Variants in ABCB7 observed in about 807,000 individuals in gnomAD.
ABCB7 encodes iron-sulfur clusters transporter ABCB7, mitochondrial.
ABCB7 carries 7 observed loss-of-function variants against 54.4 expected under a neutral mutation model. That is an observed-to-expected ratio of 0.13 (90% confidence interval 0.07 to 0.24). The LOEUF is 0.24. ABCB7 is among the 10% of genes least tolerant of loss of function. ABCB7 has a pLI of 1.00. For synonymous variants in ABCB7, 218 were observed against 207.1 expected (o/e 1.05, Z -0.45); for missense variants, 356 against 570.4 (o/e 0.62, Z 3.83).
intron 4 of ABCB7, among the ~76,000 whole-genome samples, chrX:75,087,023 C>T (rs901654851): frequency 8.9e-6 from 1 of 111,809 alleles, no homozygotes; most frequent in South Asian, 3.7e-4. Context: ...TCCAGGAACT[C>T]CTCATCCCTT....
chrX:75,061,375 G>A (rs1272289674), intron 14 of ABCB7, among the ~76,000 whole-genome samples: 1 of 111,671 alleles, frequency 9.0e-6, no homozygotes, highest in African/African-American at 3.3e-5. Context: ...TTTAGTTTGT[G>A]GTAGTATGAC....
intron 1 of ABCB7, among the ~76,000 whole-genome samples, chrX:75,142,418 T>C (rs1394239024): frequency 8.9e-6 from 1 of 111,990 alleles, no homozygotes. Context: ...CTGCAGTTGA[T>C]TGAATCCACA....
intron 2 of ABCB7, 124 bp downstream of exon 2, chrX:75,114,630 C>T: frequency 1.9e-6 from 1 of 513,689 alleles, no homozygotes; most frequent in South Asian, 2.8e-5. Context: ...CCTTCTTATT[C>T]ATCTTGTCAG....
intron 1 of ABCB7, among the ~76,000 whole-genome samples, chrX:75,123,219 T>C (rs1164061129): frequency 9.0e-6 from 1 of 111,604 alleles, no homozygotes; most frequent in Non-Finnish European, 1.9e-5. Context: ...ATGAATAAGA[T>C]AATGGTCCAG....
At chrX:75,124,131 C>A (rs1441642811) in intron 1 of ABCB7, among the ~76,000 whole-genome samples, 2 of 111,741 alleles carry the variant, frequency 1.8e-5, no homozygotes, top group African/African-American at 6.5e-5. Flanking sequence ...TTTCTAACAC[C>A]CCTCAACCTC....
intron 1 of ABCB7, among the ~76,000 whole-genome samples, chrX:75,129,190 C>T (rs765550991): frequency 1.8e-5 from 2 of 111,964 alleles, no homozygotes; most frequent in African/African-American, 6.5e-5. Context: ...AGACTTGGAA[C>T]CAACCCAATT....
intron 15 of ABCB7, among the ~76,000 whole-genome samples, chrX:75,059,021 T>TA (rs1306052279): frequency 9.0e-6 from 1 of 111,409 alleles, no homozygotes; most frequent in African/African-American, 3.3e-5. Context: ...CAGAAAGGCC[T>TA]AGGGTCACAA....
chrX:75,116,510 C>T (rs1307677986), intron 1 of ABCB7, among the ~76,000 whole-genome samples: 5 of 111,553 alleles, frequency 4.5e-5, no homozygotes, highest in Non-Finnish European at 7.5e-5. Flanking sequence ...CCCTTGGTAA[C>T]GTTTCAAAAG....
chrX:75,107,836 T>C (rs1029559179), intron 3 of ABCB7, among the ~76,000 whole-genome samples: 4 of 110,611 alleles, frequency 3.6e-5, no homozygotes, highest in Non-Finnish European at 7.6e-5. Context: ...GAAGGGAACT[T>C]TGTCTTGCAC....
chrX:75,122,070 G>A (rs2081883310), intron 1 of ABCB7, among the ~76,000 whole-genome samples: 2 of 111,750 alleles, frequency 1.8e-5, no homozygotes, highest in South Asian at 7.5e-4. Flanking sequence ...ACTCCATCTT[G>A]AGCAGGGGCT....
chrX:75,132,815 C>CT (rs2081984531), intron 1 of ABCB7, among the ~76,000 whole-genome samples: 1 of 112,213 alleles, frequency 8.9e-6, no homozygotes, highest in Non-Finnish European at 1.9e-5. Context: ...AGCCTCAGCC[C>CT]TTTGAAAACG....
chrX:75,088,888 C>A (rs1473813076), intron 4 of ABCB7, among the ~76,000 whole-genome samples: 13 of 106,191 alleles, frequency 1.2e-4, no homozygotes, highest in Non-Finnish European at 2.1e-4. Flanking sequence ...AAAAAAAACT[C>A]CCAAAAGGTA....
At chrX:75,149,268 T>C (rs905624148) in intron 1 of ABCB7, among the ~76,000 whole-genome samples, 14 of 112,101 alleles carry the variant, frequency 1.2e-4, no homozygotes, top group African/African-American at 4.5e-4. Flanking sequence ...TTATATCTTA[T>C]TCCTCAAAGA....
intron 1 of ABCB7, among the ~76,000 whole-genome samples, chrX:75,145,681 C>T: frequency 8.9e-6 from 1 of 111,824 alleles, no homozygotes; most frequent in Non-Finnish European, 1.9e-5. Flanking sequence ...CAGCACAAGA[C>T]AAGGATGCCC....
chrX:75,095,969 T>C (rs1460069540), intron 4 of ABCB7, among the ~76,000 whole-genome samples: 1 of 112,065 alleles, frequency 8.9e-6, no homozygotes, highest in Non-Finnish European at 1.9e-5. Context: ...CTAATACAAA[T>C]GCCATTACTT....
intron 1 of ABCB7, among the ~76,000 whole-genome samples, chrX:75,131,743 C>A (rs939700533): frequency 6.3e-5 from 7 of 111,578 alleles, no homozygotes; most frequent in African/African-American, 2.3e-4. Flanking sequence ...CCAGTCTGTT[C>A]TCCACACAGG....
chrX:75,099,864 A>G (rs1052467816), intron 3 of ABCB7, among the ~76,000 whole-genome samples: 1 of 109,932 alleles, frequency 9.1e-6, no homozygotes, highest in Non-Finnish European at 1.9e-5. Context: ...ATTAAAAAGA[A>G]TAAAACATAC....
Position 75,115,041 on chromosome X carries a change from G to A in ABCB7, c.169-210C>T, listed in dbSNP as rs968812834. Reference sequence around the variant, plus strand: ...TCCTGGCACTTTGGGAGGCTAAGGCGGGCGGATCACGAGGTCTGGAGATCG... The same window carrying A: ...TCCTGGCACTTTGGGAGGCTAAGGCAGGCGGATCACGAGGTCTGGAGATCG... On this transcript the variant is annotated intron_variant, in intron 1 of 15. Coordinates refer to ENST00000373394, the MANE Select transcript of ABCB7 (RefSeq NM_001271696.3). Among the ~76,000 whole-genome samples the A allele has an allele frequency of 5.4e-5, 6 of 110,257 alleles. No individual in the cohort carries two copies. In the East Asian group the frequency reaches 1.1e-3, roughly 21 times the overall value.
chrX:75,055,278 A>AT (rs1002272249), intron 15 of ABCB7, among the ~76,000 whole-genome samples: 17 of 109,933 alleles, frequency 1.5e-4, no homozygotes, highest in Non-Finnish European at 2.8e-4. Context: ...TATATACATG[A>AT]TTTTTTTGCT....
Sources: gnomAD v4.1 joint callset for allele counts (sites outside exome capture counted in the v4.1 genomes callset) on GRCh38, gnomAD v4.1.1 for gene constraint, MANE v1.5 for transcripts, NCBI Gene and HGNC (gene_info 2026-07-23, HGNC 2026-07-21) for gene names.